SLC36A2: variants seen among roughly 807,000 people sequenced by gnomAD.
The protein encoded by SLC36A2 is solute carrier family 36 member 2.
SLC36A2 carries 39 observed loss-of-function variants against 42.7 expected under a neutral mutation model. The observed-to-expected ratio is 0.91, with a 90% CI of 0.71 to 1.19. SLC36A2 has a LOEUF of 1.19. Ranked by LOEUF, SLC36A2 falls within the 50% of genes most tolerant of loss-of-function variation. The pLI, the probability that SLC36A2 is intolerant of heterozygous loss-of-function variation, is 0.00. For synonymous variants in SLC36A2, 237 were observed against 240.8 expected (o/e 0.98, Z 0.15); for missense variants, 590 against 613.7 (o/e 0.96, Z 0.41).
chr5:151,317,940 A>G (rs1157727258), intron 9 of SLC36A2, among the ~76,000 whole-genome samples: 3 of 152,212 alleles, frequency 2.0e-5, no homozygotes, highest in Non-Finnish European at 4.4e-5. Flanking sequence ...TACCCCCTTA[A>G]TAAGGGGAAA....
At chr5:151,331,943 T>C (rs943988621) in intron 7 of SLC36A2, among the ~76,000 whole-genome samples, 4 of 152,130 alleles carry the variant, frequency 2.6e-5, no homozygotes, top group African/African-American at 9.7e-5. Context: ...CTTAGCTCAC[T>C]GCAACTTCCG....
Position 151,335,548 on chromosome 5 carries a change from C to T in SLC36A2, c.526-1G>A. The T allele has an allele frequency of 1.2e-6, 2 of 1,606,672 alleles. No individual in the cohort carries two copies. The highest frequency in any genetic ancestry group is 1.7e-6 in the Non-Finnish European group (2 of 1,173,206). On this transcript the variant is annotated splice_acceptor_variant, in intron 5 of 9. Transcript: ENST00000335244. LOFTEE classifies it high-confidence loss of function. Reference sequence around the variant, plus strand: ...TTGTGCTATTAACAGCTTCCACTACCTGAGGAAGGAATGGGAGAGGCAAAA... The same window carrying T: ...TTGTGCTATTAACAGCTTCCACTACTTGAGGAAGGAATGGGAGAGGCAAAA...
intron 7 of SLC36A2, 23 bp from the exon 8 acceptor site, chr5:151,325,475 G>A: frequency 6.2e-7 from 1 of 1,613,194 alleles, no homozygotes; most frequent in Non-Finnish European, 8.5e-7. Context: ...CACAATGTAA[G>A]AAGGAGAAAG....
At chr5:151,325,028 C>T in intron 8 of SLC36A2, 2 of 514,502 alleles carry the variant, frequency 3.9e-6, no homozygotes, top group South Asian at 4.0e-5. Context: ...ACCAAGGGCT[C>T]TCACTTGTGT....
At chr5:151,344,933 C>T (rs757516857) in intron 1 of SLC36A2, among the ~76,000 whole-genome samples, 3 of 152,032 alleles carry the variant, frequency 2.0e-5, no homozygotes, top group Non-Finnish European at 4.4e-5. Flanking sequence ...TGAGGTCTGG[C>T]GGGGCATAAC....
rs115912012 is a variant in SLC36A2, at chr5:151,317,855, T to G, written c.1181-767A>C. Among the ~76,000 whole-genome samples, 1,335 of 152,278 alleles carry G rather than the reference T, an allele frequency of 8.8e-3. 10 individuals are homozygous for G. The highest frequency in any genetic ancestry group is 0.02 in the Middle Eastern group (6 of 294). On this transcript the variant is annotated intron_variant, in intron 9 of 9. Coordinates refer to ENST00000335244, the MANE Select transcript of SLC36A2 (RefSeq NM_181776.3). ...GAATTCAACTGACAATAGGTAAGAT[T>G]AACAAGAGAAAAGACAAAGTGTATA...
intron 7 of SLC36A2, among the ~76,000 whole-genome samples, chr5:151,331,924 T>C (rs751070426): frequency 6.6e-6 from 1 of 152,094 alleles, no homozygotes. Context: ...TGGAGTGCAG[T>C]GGCGCCATCT....
chr5:151,338,687 A>G (rs1756229213), intron 5 of SLC36A2: 1 of 211,480 alleles, frequency 4.7e-6, no homozygotes, highest in Admixed American at 5.3e-5. Flanking sequence ...AAAAGAAAAA[A>G]AAAAAGAAAG....
chr5:151,317,067 G>T lies in SLC36A2; in HGVS notation c.1202C>A (p.Pro401His), dbSNP rs549771542. 8.7e-6 allele frequency: 14 copies of T among 1,614,176 alleles called. No individual in the cohort carries two copies. The South Asian group carries it at 1.3e-4, about 15-fold the overall frequency. The change falls in exon 10 of 10, where the codon CCC becomes CAC. Residue 401 changes from proline to histidine, a missense_variant. Coordinates refer to ENST00000335244, the MANE Select transcript of SLC36A2 (RefSeq NM_181776.3). ...CAGGGAGATGACCAGGTCCAGGCGG[G>T]GGATGAGGATGGCCAGGAGGCCTGC... Reference protein sequence around the residue: ...CLTCLLAILIPRLDLVISLVG... With the variant: ...CLTCLLAILIHRLDLVISLVG...
rs1561651148 is a variant in SLC36A2 at position 151,322,148 on chromosome 5, CG to C, written c.1077del (p.Tyr359Ter). 1 of 1,614,076 alleles carries C rather than the reference CG, an allele frequency of 6.2e-7. No homozygotes were observed. The highest frequency in any genetic ancestry group is 1.7e-5 in the Admixed American group (1 of 60,010). ...GILCTYALQF[Y>X]VPAEIIIPFA... Reference sequence around the variant, plus strand: ...AAGGGGATGATGATTTCTGCAGGGACGTAGAACTGCAGGGCATAGGTGCACA... The same window carrying C: ...AAGGGGATGATGATTTCTGCAGGGACTAGAACTGCAGGGCATAGGTGCACA... On this transcript the variant is annotated frameshift_variant, in exon 9 of 10. Coordinates refer to ENST00000335244, the MANE Select transcript of SLC36A2 (RefSeq NM_181776.3). LOFTEE classifies it high-confidence loss of function.
intron 7 of SLC36A2, among the ~76,000 whole-genome samples, chr5:151,328,471 T>G (rs1755908481): frequency 6.6e-6 from 1 of 152,212 alleles, no homozygotes; most frequent in Non-Finnish European, 1.5e-5. Flanking sequence ...AACTTCTTTT[T>G]GGACAGATGA....
At chr5:151,329,916 C>T (rs1325390407) in intron 7 of SLC36A2, among the ~76,000 whole-genome samples, 1 of 152,072 alleles carries the variant, frequency 6.6e-6, no homozygotes, top group Non-Finnish European at 1.5e-5. Flanking sequence ...GGCTGCAAAA[C>T]CTGTATGTAT....
intron 7 of SLC36A2, chr5:151,332,382 C>T (rs1038805853): frequency 2.2e-6 from 1 of 454,884 alleles, no homozygotes; most frequent in Non-Finnish European, 4.4e-6. Flanking sequence ...TGCCAACAAG[C>T]AAATGAAAAG....
In SLC36A2 at chr5:151,339,317, C is replaced by CT. The variant is rs113317650; in HGVS notation, c.441-174dup. On this transcript the variant is annotated intron_variant, in intron 4 of 9. Coordinates refer to ENST00000335244, the MANE Select transcript of SLC36A2 (RefSeq NM_181776.3). Reference sequence around the variant, plus strand: ...GCAAAGAAGTAAGGTAACAATCGTTCTTTTTTTTTTTTTTTAGAAGGAGTT... The same window carrying CT: ...GCAAAGAAGTAAGGTAACAATCGTTCTTTTTTTTTTTTTTTTAGAAGGAGTT... 0.35 allele frequency among the ~76,000 whole-genome samples: 50,686 copies of CT among 144,896 alleles called. 11,570 individuals carry two copies. Among genetic ancestry groups the CT allele is most frequent in the African/African-American group, 0.66 (26,360 of 40,000 alleles).
At position 151,316,936 on chromosome 5, in the gene SLC36A2, C is replaced by T. The variant is rs765638499; in HGVS notation, c.1333G>A (p.Ala445Thr). The T allele has an allele frequency of 2.0e-5, 32 of 1,613,862 alleles. 1 individual carries two copies. The highest frequency in any genetic ancestry group is 1.8e-4 in the East Asian group (8 of 44,870). ...ACGAAGCCCAGGATGCTGATCAGGGCGTCCTTGAAGATGGTGAGGGGGCTC... is the reference window on the plus strand; with the variant it reads ...ACGAAGCCCAGGATGCTGATCAGGGTGTCCTTGAAGATGGTGAGGGGGCTC... ...GMSPLTIFKDALISILGFVGF... is the reference protein window; with the variant it reads ...GMSPLTIFKDTLISILGFVGF... Residue 445 changes from alanine (A) to threonine (T), a missense_variant, in exon 10 of 10, where the codon GCC becomes ACC. Transcript: ENST00000335244.
At position 151,322,215 on chromosome 5, in the gene SLC36A2, C is replaced by A. The variant is rs752618366; in HGVS notation, c.1011G>T (p.Trp337Cys). The A allele has an allele frequency of 3.3e-5, 53 of 1,613,974 alleles. No individual in the cohort carries two copies. Among genetic ancestry groups the A allele is most frequent in the Non-Finnish European group, 4.4e-5 (52 of 1,179,932 alleles). ...AGAGAAGCTTGACAGACTGGTACAG[C>A]CTGCAAGACAAACCACAGAGCTGCT... ...ASISLNLPNC[W>C]LYQSVKLLYI... Residue 337 changes from tryptophan (W) to cysteine (C), a missense_variant and splice_region_variant, in exon 9 of 10, where the codon TGG becomes TGT. Trp to Cys is a radical substitution (Grantham distance 215). Transcript: ENST00000335244.
intron 4 of SLC36A2, among the ~76,000 whole-genome samples, chr5:151,340,185 AAGAGGTG>A (rs1459273109): frequency 8.1e-4 from 71 of 87,268 alleles, no homozygotes; most frequent in South Asian, 2.4e-3. Flanking sequence ...GAGGAGGAGG[AAGAGGTG>A]GAGGAGGAGG....
At chr5:151,327,038 CT>C (rs975894446) in intron 7 of SLC36A2, among the ~76,000 whole-genome samples, 2 of 152,154 alleles carry the variant, frequency 1.3e-5, no homozygotes, top group African/African-American at 4.8e-5. Flanking sequence ...TGGTCTTGAA[CT>C]CTTGGGCTCA....
rs765520240 is a variant in SLC36A2, at chr5:151,343,618, G to A, written c.256-20C>T. ...GCCCATCTGGAGGAAGGGGAGGCAA[G>A]GGGCGAGGGAGGAGAGAAGAGAATG... On this transcript the variant is annotated intron_variant, in intron 2 of 9. Coordinates refer to ENST00000335244, the MANE Select transcript of SLC36A2 (RefSeq NM_181776.3). 1 of 1,607,664 alleles carries A rather than the reference G, an allele frequency of 6.2e-7. No individual in the cohort carries two copies. The highest frequency in any genetic ancestry group is 1.7e-5 in the Admixed American group (1 of 60,008).
Sources: gnomAD v4.1 joint callset for allele counts (sites outside exome capture counted in the v4.1 genomes callset) on GRCh38, gnomAD v4.1.1 for gene constraint, MANE v1.5 for transcripts, NCBI Gene and HGNC (gene_info 2026-07-23, HGNC 2026-07-21) for gene names.